CFAP47: variants seen among roughly 807,000 people sequenced by gnomAD.
CFAP47 encodes the protein cilia and flagella associated protein 47, also known as cilia- and flagella-associated protein 47.
CFAP47 carries 29 observed loss-of-function variants against 148.1 expected under a neutral mutation model. The ratio of observed to expected loss-of-function variants is 0.20; its 90% CI spans 0.15 to 0.27. The LOEUF (loss-of-function observed/expected upper bound fraction) is 0.27, where lower values mean the gene tolerates loss of function less well. Ranked by LOEUF, CFAP47 falls within the 10% of genes least tolerant of loss-of-function variation. The probability of loss-of-function intolerance (pLI) is 1.00; values close to 1 mark genes in which losing one functional copy is unlikely to be tolerated. For missense variants in CFAP47, 1,872 were observed against 1,697.5 expected (o/e 1.10, Z -1.81); for synonymous variants, 664 against 577.3 (o/e 1.15, Z -2.15).
At chrX:36,371,808 A>ATATATGTGTGCATATACACACATGTGTG (rs1941959038) in intron 62 of CFAP47, among the ~76,000 whole-genome samples, 4 of 64,223 alleles carry the variant, frequency 6.2e-5, no homozygotes, top group Non-Finnish European at 1.1e-4. Flanking sequence ...ACACACATGT[A>ATATATGTGTGCATATACACACATGTGTG]TATATGTGTG....
rs1404465020 is a variant in CFAP47, at chrX:36,316,115, TA to T, written c.8345-3092del. ...TGTACCTTTGCACATGGCTTCTCAG[TA>T]AGCAGGCAGAACAATTTCTCACTAA... is the stretch of plus-strand genomic sequence containing the variant. On this transcript the variant is annotated intron_variant, in intron 56 of 63. Transcript: ENST00000378653. Among the ~76,000 whole-genome samples, 9 of 112,252 alleles carry T rather than the reference TA, an allele frequency of 8.0e-5. No individual in the cohort carries two copies. The East Asian group carries it at 2.5e-3, about 31-fold the overall frequency.
intron 29 of CFAP47, among the ~76,000 whole-genome samples, chrX:36,080,408 G>T (rs1271075320): frequency 9.0e-6 from 1 of 111,508 alleles, no homozygotes; most frequent in Non-Finnish European, 1.9e-5. Context: ...AATACCATTT[G>T]ACCCAGTGAT....
chrX:36,384,771 G>T, intron 63 of CFAP47, 26 bp from the exon 64 acceptor site: 1 of 1,092,955 alleles, frequency 9.1e-7, no homozygotes, highest in Non-Finnish European at 1.2e-6. Flanking sequence ...TATTTCAAAT[G>T]AAAATTTCTC....
intron 48 of CFAP47, among the ~76,000 whole-genome samples, chrX:36,248,474 T>C (rs1294246793): frequency 1.0e-5 from 1 of 97,490 alleles, no homozygotes; most frequent in Non-Finnish European, 2.0e-5. Context: ...AGAAAAGTAT[T>C]TTAAAAATAT....
At chrX:36,145,593 T>G (rs1939221828) in intron 36 of CFAP47, among the ~76,000 whole-genome samples, 1 of 111,942 alleles carries the variant, frequency 8.9e-6, no homozygotes, top group East Asian at 2.8e-4. Flanking sequence ...TCTTACTCAT[T>G]TTCATTTGAT....
chrX:36,228,825 G>A lies in CFAP47; in HGVS notation c.7014+1G>A. 1 of 518,904 alleles carries A rather than the reference G, an allele frequency of 1.9e-6. No homozygotes were observed. Among genetic ancestry groups the A allele is most frequent in the Non-Finnish European group, 3.5e-6 (1 of 283,843 alleles). The allele number at this position is 518,904 out of a possible 1,213,427, so 42.8% of individuals were successfully genotyped here. A position where few individuals can be genotyped will look rare whatever the true frequency, so the allele number is the denominator to read the frequency against. On this transcript the variant is annotated splice_donor_variant, in intron 46 of 63. Transcript: ENST00000378653. LOFTEE classifies it high-confidence loss of function. ...AGCCCTTACTCAGAATATTCCAATA[G>A]TATGTATAAACTTTTTTGGTACCTT... is the stretch of plus-strand genomic sequence containing the variant.
chrX:36,271,202 C>G (rs1556001783), intron 49 of CFAP47, among the ~76,000 whole-genome samples: 1 of 111,781 alleles, frequency 8.9e-6, no homozygotes, highest in Non-Finnish European at 1.9e-5. Context: ...AGAAACAAAA[C>G]TTTATTCAAA....
chrX:36,361,918 A>C (rs1447443524), intron 61 of CFAP47, among the ~76,000 whole-genome samples: 3 of 112,230 alleles, frequency 2.7e-5, no homozygotes, highest in African/African-American at 6.5e-5. Flanking sequence ...ACATTTTACT[A>C]CTCAATACAT....
At chrX:36,032,536 AT>A (rs1937292280) in intron 23 of CFAP47, among the ~76,000 whole-genome samples, 2 of 111,163 alleles carry the variant, frequency 1.8e-5, no homozygotes, top group Admixed American at 1.9e-4. Flanking sequence ...AGATATATAT[AT>A]TTTGCTTAAA....
intron 32 of CFAP47, among the ~76,000 whole-genome samples, chrX:36,104,170 A>T (rs958712024): frequency 1.8e-5 from 2 of 112,297 alleles, no homozygotes; most frequent in Non-Finnish European, 3.8e-5. Flanking sequence ...TAAGAAAGGC[A>T]TCTTACATCC....
intron 51 of CFAP47, among the ~76,000 whole-genome samples, 194 bp from the exon 52 acceptor site, chrX:36,298,783 A>G (rs1464901562): frequency 8.9e-6 from 1 of 111,797 alleles, no homozygotes; most frequent in Non-Finnish European, 1.9e-5. Flanking sequence ...ATAAGGTTAC[A>G]ATTTATCAAG....
intron 45 of CFAP47, among the ~76,000 whole-genome samples, chrX:36,224,116 G>A (rs1940243789): frequency 9.0e-6 from 1 of 111,252 alleles, no homozygotes; most frequent in Admixed American, 9.6e-5. Flanking sequence ...TTTTTAGATG[G>A]CTTTCAGTTT....
Position 36,138,472 on chromosome X carries a change from C to A in CFAP47, c.5535+8C>A. The A allele has an allele frequency of 8.8e-7, 1 of 1,135,144 alleles. No individual in the cohort carries two copies. The highest frequency in any genetic ancestry group is 1.2e-6 in the Non-Finnish European group (1 of 864,323). The allele number at this position is 1,135,144 out of a possible 1,213,427, so 93.5% of individuals were successfully genotyped here. ...TTTGACGTGGAAATACAGGTGGGTG[C>A]CTTTATATTAAACATTCTACAAACA... On this transcript the variant is annotated splice_region_variant and intron_variant, in intron 35 of 63. Coordinates refer to ENST00000378653, the MANE Select transcript of CFAP47 (RefSeq NM_001304548.2).
chrX:36,087,942 T>G (rs1938117146), intron 30 of CFAP47, among the ~76,000 whole-genome samples: 1 of 111,492 alleles, frequency 9.0e-6, no homozygotes, highest in Non-Finnish European at 1.9e-5. Context: ...CAAGGTTGGT[T>G]TCTTCCGAGG....
At chrX:35,992,138 G>C (rs985277086) in intron 17 of CFAP47, among the ~76,000 whole-genome samples, 195 bp downstream of exon 17, 5 of 110,396 alleles carry the variant, frequency 4.5e-5, no homozygotes, top group Non-Finnish European at 7.6e-5. Flanking sequence ...TAGCCTCCCT[G>C]TTTCTTCTCT....
In CFAP47 at chrX:36,033,710, A is replaced by G. The variant is rs1390656826; in HGVS notation, c.3652-1985A>G. ...TGTTTATCCTATATGTTTTAAATCA[A>G]TCATGCTTTAGAAAGAAATGAGGTA... On this transcript the variant is annotated intron_variant, in intron 23 of 63. Coordinates refer to ENST00000378653, the MANE Select transcript of CFAP47 (RefSeq NM_001304548.2). Among the ~76,000 whole-genome samples the G allele has an allele frequency of 2.7e-5, 3 of 111,695 alleles. No homozygotes were observed. In the East Asian group the frequency reaches 8.4e-4, roughly 31 times the overall value.
At chrX:36,317,736 C>G (rs1941448066) in intron 56 of CFAP47, among the ~76,000 whole-genome samples, 1 of 110,649 alleles carries the variant, frequency 9.0e-6, no homozygotes, top group Non-Finnish European at 1.9e-5. Context: ...GTCTTTATAA[C>G]TTAGTTTAAT....
chrX:36,243,647 G>GTGTGTATATA (rs1179341078), intron 48 of CFAP47, among the ~76,000 whole-genome samples: 2 of 64,230 alleles, frequency 3.1e-5, no homozygotes, highest in Non-Finnish European at 6.9e-5. Context: ...ATATGTGTGT[G>GTGTGTATATA]TATATATATA....
chrX:36,152,279 T>C (rs765486100), intron 37 of CFAP47, among the ~76,000 whole-genome samples: 5 of 112,031 alleles, frequency 4.5e-5, no homozygotes, highest in South Asian at 7.5e-4. Context: ...ATATGTCTTA[T>C]GAGAATACTT....
Sources: allele counts gnomAD v4.1 joint callset (sites outside exome capture counted in the v4.1 genomes callset), GRCh38; gene constraint gnomAD v4.1.1; transcripts MANE v1.5; gene names NCBI Gene and HGNC (gene_info 2026-07-23, HGNC 2026-07-21).